The following RECK variants were observed in gnomAD, a reference collection of about 807,000 sequenced individuals.
RECK encodes reversion inducing cysteine rich protein with kazal motifs.
Under a neutral mutation model 115.1 loss-of-function variants are expected in RECK, and 69 were observed. The ratio of observed to expected loss-of-function variants is 0.60; its 90% confidence interval spans 0.49 to 0.73. RECK has a LOEUF of 0.73. Among genes scored for constraint, RECK ranks in the 30% least tolerant of loss-of-function variants. The probability of loss-of-function intolerance (pLI) is 0.00; values close to 1 mark genes in which losing one functional copy is unlikely to be tolerated. For synonymous variants in RECK, 414 were observed against 419.7 expected (o/e 0.99, Z 0.17); for missense variants, 1,047 against 1,203.7 (o/e 0.87, Z 1.93).
chr9:36,062,163 T>C (rs1226750224), intron 4 of RECK, among the ~76,000 whole-genome samples: 1 of 148,288 alleles, frequency 6.7e-6, no homozygotes, highest in Non-Finnish European at 1.5e-5. Flanking sequence ...TCTCCTACTT[T>C]TTTTTTTTTT....
chr9:36,124,312 GA>G lies in RECK; in HGVS notation c.*1272del. 1 of 152,702 alleles carries G rather than the reference GA, an allele frequency of 6.5e-6. No individual in the cohort carries two copies. 9.5% of individuals were successfully genotyped at this position (152,702 alleles called of 1,614,324 possible). On this transcript the variant is annotated 3_prime_UTR_variant, in exon 21 of 21. Coordinates refer to ENST00000377966, the MANE Select transcript of RECK (RefSeq NM_021111.3). ...ATGCGTATTATACCAAAATGTTGCT[GA>G]AAAATGGGCACTTAAAGCTTTCAGA... is the stretch of plus-strand genomic sequence containing the variant.
In RECK at chr9:36,089,967, T is replaced by TACACACACACAC. The variant is rs55678229; in HGVS notation, c.906-1171_906-1160dup. Among the ~76,000 whole-genome samples, 132 of 143,896 alleles carry TACACACACACAC rather than the reference T, an allele frequency of 9.2e-4. 1 individual carries two copies. The highest frequency in any genetic ancestry group is 2.8e-3 in the African/African-American group (108 of 38,734). 94.4% of individuals were successfully genotyped at this position (143,896 alleles called of 152,430 possible). On this transcript the variant is annotated intron_variant, in intron 9 of 20. Coordinates refer to ENST00000377966, the MANE Select transcript of RECK (RefSeq NM_021111.3). ...GGCAAAACCCCATCTCTACTAAAAA[T>TACACACACACAC]ACACACACACACACACACACACACA...
At position 36,123,175 on chromosome 9, in the gene RECK, AT is replaced by A. The variant is rs879128364; in HGVS notation, c.*141del. ...ATGTCACCTCTATTCGCCACACAGTATTTTTTTTTTTAATCCGCCAATATTA... is the reference window on the plus strand; with the variant it reads ...ATGTCACCTCTATTCGCCACACAGTATTTTTTTTTTAATCCGCCAATATTA... On this transcript the variant is annotated 3_prime_UTR_variant, in exon 21 of 21. Coordinates refer to ENST00000377966, the MANE Select transcript of RECK (RefSeq NM_021111.3). 0.069 allele frequency: 30,727 copies of A among 445,550 alleles called. 21 individuals carry two copies. Among genetic ancestry groups the A allele is most frequent in the Middle Eastern group, 0.1 (147 of 1,444 alleles). The allele number at this position is 445,550 out of a possible 1,614,324, so 27.6% of individuals were successfully genotyped here.
intron 6 of RECK, among the ~76,000 whole-genome samples, chr9:36,068,172 GCT>G (rs1822086266): frequency 6.6e-6 from 1 of 152,104 alleles, no homozygotes; most frequent in Non-Finnish European, 1.5e-5. Context: ...TCCTGTGCAG[GCT>G]AAGTTTTAGA....
chr9:36,120,062 G>A (rs930015447), intron 18 of RECK, among the ~76,000 whole-genome samples: 2 of 151,984 alleles, frequency 1.3e-5, no homozygotes, highest in Admixed American at 6.6e-5. Flanking sequence ...GTGAAACCCT[G>A]TCTCTACTAA....
At chr9:36,067,477 A>C (rs1356883044) in intron 6 of RECK, among the ~76,000 whole-genome samples, 1 of 152,136 alleles carries the variant, frequency 6.6e-6, no homozygotes, top group Admixed American at 6.6e-5. Flanking sequence ...GCTGTTGTAG[A>C]GTTCCTTTTG....
intron 1 of RECK, among the ~76,000 whole-genome samples, chr9:36,049,407 T>C (rs1821197388): frequency 6.6e-6 from 1 of 152,178 alleles, no homozygotes; most frequent in African/African-American, 2.4e-5. Flanking sequence ...ATCCTGAAAC[T>C]ATCTAGGTCA....
chr9:36,048,723 C>G (rs1033963331), intron 1 of RECK, among the ~76,000 whole-genome samples: 1 of 152,172 alleles, frequency 6.6e-6, no homozygotes, highest in African/African-American at 2.4e-5. Context: ...TATTGTATCC[C>G]TATTCCTAAA....
intron 2 of RECK, chr9:36,057,152 A>T (rs1588277605): frequency 8.0e-6 from 1 of 125,590 alleles, no homozygotes; most frequent in Non-Finnish European, 1.6e-5. Flanking sequence ...AGCATCAATT[A>T]AAAAAAAAAA....
At chr9:36,097,327 CAAA>C (rs56837267) in intron 10 of RECK, among the ~76,000 whole-genome samples, 5 of 69,618 alleles carry the variant, frequency 7.2e-5, no homozygotes, top group African/African-American at 8.8e-5. Context: ...GACTCCATCT[CAAA>C]AAAAAAAAAA....
intron 13 of RECK, among the ~76,000 whole-genome samples, chr9:36,107,477 C>T (rs1026910532): frequency 1.2e-4 from 18 of 151,770 alleles, no homozygotes; most frequent in Non-Finnish European, 1.8e-4. Context: ...TGGTGGCACA[C>T]GCCTGTAGTC....
Position 36,108,183 on chromosome 9 carries a change from T to G in RECK, c.1765+19T>G, listed in dbSNP as rs1823896450. 1 of 1,556,524 alleles carries G rather than the reference T, an allele frequency of 6.4e-7. No homozygotes were observed. Among genetic ancestry groups the G allele is most frequent in the Admixed American group, 2.1e-5 (1 of 47,624 alleles). ...AGAAAAAGTGAGTCTTAAGCTCTGA[T>G]TTTGTTTTTAATATGAGATTAGTTA... is the stretch of plus-strand genomic sequence containing the variant. On this transcript the variant is annotated intron_variant, in intron 14 of 20. Transcript: ENST00000377966.
chr9:36,122,482 T>G (rs1171713948), intron 20 of RECK, among the ~76,000 whole-genome samples: 1 of 152,172 alleles, frequency 6.6e-6, no homozygotes, highest in Non-Finnish European at 1.5e-5. Context: ...TTCTTTTCTT[T>G]TCTTTGAGAT....
Position 36,102,080 on chromosome 9 carries a change from A to C in RECK, c.1299-14A>C. 1 of 1,580,290 alleles carries C rather than the reference A, an allele frequency of 6.3e-7. No homozygotes were observed. Among genetic ancestry groups the C allele is most frequent in the Non-Finnish European group, 8.6e-7 (1 of 1,158,580 alleles). On this transcript the variant is annotated splice_polypyrimidine_tract_variant and intron_variant, in intron 11 of 20. Coordinates refer to ENST00000377966, the MANE Select transcript of RECK (RefSeq NM_021111.3). ...TTCCTCAAGCTCTAAACTTACGTGC[A>C]TTTTTTTTTCAAGATCAGATTGTGT...
intron 9 of RECK, among the ~76,000 whole-genome samples, chr9:36,088,939 T>A (rs1038816572): frequency 5.3e-5 from 8 of 152,166 alleles, no homozygotes; most frequent in Admixed American, 4.6e-4. Context: ...AAGAATCACT[T>A]GGACCTGGGA....
At chr9:36,071,047 G>C (rs1290951764) in intron 6 of RECK, among the ~76,000 whole-genome samples, 1 of 152,094 alleles carries the variant, frequency 6.6e-6, no homozygotes, top group Non-Finnish European at 1.5e-5. Flanking sequence ...TTCAGCAGCT[G>C]TAGTTACATA....
chr9:36,054,827 A>G (rs187507023), intron 2 of RECK, among the ~76,000 whole-genome samples: 56 of 152,136 alleles, frequency 3.7e-4, no homozygotes, highest in African/African-American at 1.1e-3. Context: ...TCATTTGCCT[A>G]TGTTGTATTC....
chr9:36,113,386 C>G (rs1011048778), intron 16 of RECK, among the ~76,000 whole-genome samples: 3 of 152,076 alleles, frequency 2.0e-5, no homozygotes, highest in Non-Finnish European at 4.4e-5. Context: ...ATCCATCTGC[C>G]AAATTTTATA....
At chr9:36,088,378 C>A (rs1176707426) in intron 9 of RECK, among the ~76,000 whole-genome samples, 1 of 152,042 alleles carries the variant, frequency 6.6e-6, no homozygotes. Context: ...GCACTTATAA[C>A]CAGAGTTAGG....
Sources: allele counts gnomAD v4.1 joint callset (sites outside exome capture counted in the v4.1 genomes callset), GRCh38; gene constraint gnomAD v4.1.1; transcripts MANE v1.5; gene names NCBI Gene and HGNC (gene_info 2026-07-23, HGNC 2026-07-21).